FZD3: variants seen among roughly 807,000 people sequenced by gnomAD.
FZD3 encodes the protein frizzled class receptor 3, also known as frizzled-3.
A neutral mutation model predicts 60.7 loss-of-function variants in FZD3; 30 were observed. The observed-to-expected ratio is 0.49, with a 90% CI of 0.37 to 0.67. The LOEUF is 0.67. FZD3 is among the 30% of genes least tolerant of loss of function. FZD3 has a pLI of 0.00. For missense variants in FZD3, 605 were observed against 838.7 expected, an observed-to-expected ratio of 0.72 and a Z score of 3.44; for synonymous variants, 246 against 275.2, an observed-to-expected ratio of 0.89 and a Z score of 1.05.
At chr8:28,501,330 G>A (rs1803987995) in intron 2 of FZD3, among the ~76,000 whole-genome samples, 1 of 152,194 alleles carries the variant, frequency 6.6e-6, no homozygotes, top group Non-Finnish European at 1.5e-5. Context: ...CCTAGTAACT[G>A]AAGCTTGGGA....
intron 3 of FZD3, among the ~76,000 whole-genome samples, chr8:28,506,893 A>AATATACAAATATTATTC (rs1274084802): frequency 2.0e-5 from 3 of 152,312 alleles, no homozygotes; most frequent in African/African-American, 7.2e-5. Context: ...TACAAATAGA[A>AATATACAAATATTATTC]TAATATAATG....
Position 28,528,039 on chromosome 8 carries a change from C to A in FZD3, c.1279C>A (p.Leu427Ile). ...GATCCGGATCGGTGTTTTCAGCATT[C>A]TTTATCTCGTACCACTCTTGGTTGT... ...FMIRIGVFSI[L>I]YLVPLLVVIG... The change falls in exon 5 of 8, where the codon CTT (leucine) becomes ATT (isoleucine). Residue 427 changes from leucine (L) to isoleucine (I), a missense_variant. By Grantham distance (5) the Leu-to-Ile change is conservative. Transcript: ENST00000240093. 6.2e-7 allele frequency: 1 copy of A among 1,613,958 alleles called. No individual in the cohort carries two copies. The highest frequency in any genetic ancestry group is 8.5e-7 in the Non-Finnish European group (1 of 1,179,892).
intron 5 of FZD3, among the ~76,000 whole-genome samples, chr8:28,531,381 A>G (rs533244769): frequency 6.6e-5 from 10 of 152,258 alleles, no homozygotes; most frequent in Non-Finnish European, 1.2e-4. Context: ...TTGTATAACT[A>G]TACTGCAATT....
intron 1 of FZD3, among the ~76,000 whole-genome samples, chr8:28,499,028 G>T (rs75073094): frequency 0.029 from 4,473 of 152,062 alleles, 105 homozygotes; most frequent in South Asian, 0.043. Flanking sequence ...GTATTCCTTG[G>T]CTTGTTGCTT....
chr8:28,573,919 T>A lies in FZD3; in HGVS notation c.*10908T>A, dbSNP rs1289855476. 6.6e-6 allele frequency: 1 copy of A among 152,152 alleles called. No homozygotes were observed. Among genetic ancestry groups the A allele is most frequent in the East Asian group, 1.9e-4 (1 of 5,204 alleles). The allele number at this position is 152,152 out of a possible 1,614,324, so 9.4% of individuals were successfully genotyped here. ...ATCATATAAACATCTAATTAGAAAG[T>A]GTTTATGCTAAAGACTTGTATTTTG... On this transcript the variant is annotated 3_prime_UTR_variant, in exon 8 of 8. Coordinates refer to ENST00000240093, the MANE Select transcript of FZD3 (RefSeq NM_017412.4).
chr8:28,509,167 T>G (rs1804219794), intron 3 of FZD3, among the ~76,000 whole-genome samples: 1 of 151,960 alleles, frequency 6.6e-6, no homozygotes, highest in Non-Finnish European at 1.5e-5. Flanking sequence ...GACTTTAATT[T>G]TTTAATTTAA....
At chr8:28,520,274 A>G (rs913094935) in intron 3 of FZD3, among the ~76,000 whole-genome samples, 1 of 151,872 alleles carries the variant, frequency 6.6e-6, no homozygotes, top group Non-Finnish European at 1.5e-5. Context: ...GAAAACGAAA[A>G]TTTCTTGTAA....
intron 3 of FZD3, among the ~76,000 whole-genome samples, chr8:28,508,425 CTTT>C (rs35048077): frequency 0.043 from 5,532 of 129,792 alleles, 292 homozygotes; most frequent in African/African-American, 0.14. Flanking sequence ...CTAGGGAATA[CTTT>C]TTTTTTTTTT....
In FZD3 at chr8:28,528,023, C is replaced by T. The variant is rs144171566; in HGVS notation, c.1263C>T (p.Ile421=). ...AATTAGTGAAGTTTATGATCCGGAT[C>T]GGTGTTTTCAGCATTCTTTATCTCG... ...QDKLVKFMIR[I]GVFSILYLVP... Residue 421 remains isoleucine (I), a synonymous_variant, in exon 5 of 8, where the codon ATC becomes ATT. Coordinates refer to ENST00000240093, the MANE Select transcript of FZD3 (RefSeq NM_017412.4). 5.1e-5 allele frequency: 83 copies of T among 1,613,858 alleles called. No individual in the cohort carries two copies. The African/African-American group carries it at 6.3e-4, about 12-fold the overall frequency.
intron 5 of FZD3, among the ~76,000 whole-genome samples, chr8:28,542,233 C>T (rs1805186235): frequency 6.6e-6 from 1 of 151,696 alleles, no homozygotes. Flanking sequence ...TATTGTTCTT[C>T]AGAGACAGCA....
At chr8:28,519,846 T>G (rs10448079) in intron 3 of FZD3, among the ~76,000 whole-genome samples, 80,812 of 151,676 alleles carry the variant, frequency 0.53, 22,063 homozygotes, top group South Asian at 0.63. Context: ...TCTCCCAGTT[T>G]TTCTCCCATT....
intron 2 of FZD3, among the ~76,000 whole-genome samples, chr8:28,500,637 A>G (rs541954802): frequency 6.6e-6 from 1 of 152,344 alleles, no homozygotes; most frequent in East Asian, 1.9e-4. Context: ...ACTTACATGG[A>G]TGTTTTAATA....
chr8:28,555,671 A>G, intron 6 of FZD3, 67 bp from the exon 7 acceptor site: 3 of 860,312 alleles, frequency 3.5e-6, no homozygotes, highest in Non-Finnish European at 5.9e-6. Context: ...AGTGTTTCAG[A>G]GAAGTATTGC....
chr8:28,506,361 T>G (rs1359455841), intron 3 of FZD3, among the ~76,000 whole-genome samples: 3 of 152,214 alleles, frequency 2.0e-5, no homozygotes, highest in African/African-American at 7.2e-5. Context: ...GTAAATTTTT[T>G]TCCTGCCATT....
rs747022534 is a variant in FZD3 at position 28,527,404 on chromosome 8, C to T, written c.644C>T (p.Ser215Leu). The T allele has an allele frequency of 1.7e-5, 27 of 1,613,744 alleles. No homozygotes were observed. The highest frequency in any genetic ancestry group is 7.7e-5 in the South Asian group (7 of 91,072). Residue 215 changes from serine (S) to leucine (L), a missense_variant, in exon 5 of 8, where the codon TCG becomes TTG. By Grantham distance (145) the Ser-to-Leu change is moderately radical. Transcript: ENST00000240093. This position sits in a 1 kb window ranked among gnomAD's most constrained non-coding sequence, Gnocchi z 5.0. ...GGATTGATTTCAATCATTTGCCTCT[C>T]GGCCACATTGTTTACTTTTTTAACT... ...FIGLISIICL[S>L]ATLFTFLTFL...
intron 4 of FZD3, among the ~76,000 whole-genome samples, chr8:28,524,226 C>A (rs533317009): frequency 1.2e-3 from 180 of 152,250 alleles, no homozygotes; most frequent in African/African-American, 3.8e-3. Context: ...TCATTTGTTT[C>A]TTTATTTAGC....
In FZD3 at chr8:28,568,619, T is replaced by C. The variant is rs1342199587; in HGVS notation, c.*5608T>C. 3 of 152,146 alleles carry C rather than the reference T, an allele frequency of 2.0e-5. No homozygotes were observed. Among genetic ancestry groups the C allele is most frequent in the Non-Finnish European group, 2.9e-5 (2 of 67,990 alleles). The allele number at this position is 152,146 out of a possible 1,614,324, so 9.4% of individuals were successfully genotyped here. ...ATTTGGTTGATTTATAAAGATTTAA[T>C]ATATAAAGATTTAATATGAGTTAAA... On this transcript the variant is annotated 3_prime_UTR_variant, in exon 8 of 8. Transcript: ENST00000240093.
chr8:28,546,461 A>G (rs149329584), intron 5 of FZD3, among the ~76,000 whole-genome samples: 3 of 152,302 alleles, frequency 2.0e-5, no homozygotes, highest in African/African-American at 7.2e-5. Context: ...GAATGACTGT[A>G]TATTTGGTAA....
chr8:28,543,150 T>C (rs1805211560), intron 5 of FZD3, among the ~76,000 whole-genome samples: 1 of 152,248 alleles, frequency 6.6e-6, no homozygotes, highest in Non-Finnish European at 1.5e-5. Flanking sequence ...AATTCTGCAA[T>C]CAACTCTGAT....
Sources: allele counts gnomAD v4.1 joint callset (sites outside exome capture counted in the v4.1 genomes callset), GRCh38; gene constraint gnomAD v4.1.1; non-coding constraint Gnocchi (gnomAD v3.1); transcripts MANE v1.5; gene names NCBI Gene and HGNC (gene_info 2026-07-23, HGNC 2026-07-21).